The following SHISA6 variants were observed in gnomAD, a reference collection of about 807,000 sequenced individuals.
SHISA6 encodes shisa family member 6.
SHISA6 carries 22 observed loss-of-function variants against 47.9 expected under a neutral mutation model. That is an observed-to-expected ratio of 0.46 (90% confidence interval 0.33 to 0.66). The LOEUF (loss-of-function observed/expected upper bound fraction) is 0.66. SHISA6 is among the 30% of genes least tolerant of loss of function. SHISA6 has a pLI of 0.02. For missense variants in SHISA6, 680 were observed against 764.6 expected (o/e 0.89, Z 1.30); for synonymous variants, 388 against 337.8 (o/e 1.15, Z -1.63).
chr17:11,306,820 C>T (rs1257421452), intron 2 of SHISA6, among the ~76,000 whole-genome samples: 1 of 152,184 alleles, frequency 6.6e-6, no homozygotes, highest in Admixed American at 6.5e-5. Flanking sequence ...GCTCTTAAAT[C>T]TGCTTTATCC....
chr17:11,495,748 A>G (rs2969198), intron 3 of SHISA6, among the ~76,000 whole-genome samples: 62,874 of 151,232 alleles, frequency 0.42, 12,980 homozygotes, highest in East Asian at 0.53. Context: ...TGGGCGTGCT[A>G]GCTCATATAT....
intron 3 of SHISA6, among the ~76,000 whole-genome samples, chr17:11,392,040 A>C (rs1913402725): frequency 6.6e-6 from 1 of 152,198 alleles, no homozygotes; most frequent in South Asian, 2.1e-4. Flanking sequence ...TCATACCTGA[A>C]GGCCCTTCCA....
intron 3 of SHISA6, among the ~76,000 whole-genome samples, chr17:11,427,445 T>C (rs138261744): frequency 6.6e-6 from 1 of 152,226 alleles, no homozygotes; most frequent in African/African-American, 2.4e-5. Context: ...TCCTCTTTCA[T>C]ATCTTTTCCT....
At position 11,269,081 on chromosome 17, in the gene SHISA6, G is replaced by A. The variant is rs150308861; in HGVS notation, c.799+5555G>A. Among the ~76,000 whole-genome samples the A allele has an allele frequency of 4.0e-4, 60 of 150,732 alleles. 2 individuals are homozygous for A. The East Asian group carries it at 9.8e-3, about 25-fold the overall frequency. ...TTTTTTAATGGAGTCTTGCCCTGTC[G>A]CCCAGGCTGGAGTGCAGTGGCGCGA... is the stretch of plus-strand genomic sequence containing the variant. On this transcript the variant is annotated intron_variant, in intron 2 of 5. Coordinates refer to ENST00000441885, the MANE Select transcript of SHISA6 (RefSeq NM_207386.4).
chr17:11,558,022 G>T lies in SHISA6; in HGVS notation c.1374G>T (p.Leu458=), dbSNP rs1451538883. 6.4e-7 allele frequency: 1 copy of T among 1,551,606 alleles called. No individual in the cohort carries two copies. Among genetic ancestry groups the T allele is most frequent in the Non-Finnish European group, 8.7e-7 (1 of 1,146,978 alleles). The change falls in exon 6 of 6, where the codon CTG becomes CTT. Residue 458 remains leucine (L), a synonymous_variant. Transcript: ENST00000441885. ...STERLHSQDP[L]LSPERTAFPE... is the part of the protein sequence containing the mutation. ...AGCGCCTGCACTCCCAGGACCCGCT[G>T]CTGTCCCCGGAGCGGACGGCCTTTC...
At position 11,379,291 on chromosome 17, in the gene SHISA6, C is replaced by T. The variant is rs564877517; in HGVS notation, c.800-123C>T. 1.9e-4 allele frequency: 96 copies of T among 505,966 alleles called. 1 individual carries two copies. The South Asian group carries it at 3.2e-3, about 17-fold the overall frequency. 31.3% of individuals were successfully genotyped at this position (505,966 alleles called of 1,614,324 possible). On this transcript the variant is annotated intron_variant, in intron 2 of 5. Transcript: ENST00000441885. ...TATATATATTCTTGGCTGCCTCCAC[C>T]TTCTGACTTAGCTGCTGGTTTGAAA...
chr17:11,277,272 T>TCACACA (rs1567558301), intron 2 of SHISA6, among the ~76,000 whole-genome samples: 21 of 68,748 alleles, frequency 3.1e-4, no homozygotes, highest in African/African-American at 9.7e-4. Flanking sequence ...TCTCTCTCTC[T>TCACACA]CTCTCTCTCA....
chr17:11,437,724 T>C (rs1336370291), intron 3 of SHISA6, among the ~76,000 whole-genome samples: 2 of 152,220 alleles, frequency 1.3e-5, no homozygotes, highest in Non-Finnish European at 2.9e-5. Flanking sequence ...CATGGTTCTT[T>C]AATGCCATGT....
chr17:11,478,907 C>G (rs961335640), intron 3 of SHISA6, among the ~76,000 whole-genome samples: 1 of 150,484 alleles, frequency 6.6e-6, no homozygotes, highest in Non-Finnish European at 1.5e-5. Flanking sequence ...GATGCGGGCT[C>G]TTTTTTGGTT....
At chr17:11,457,773 A>G (rs1467383433) in intron 3 of SHISA6, among the ~76,000 whole-genome samples, 1 of 141,340 alleles carries the variant, frequency 7.1e-6, no homozygotes, top group African/African-American at 2.7e-5. Flanking sequence ...TGAGATAGAT[A>G]GATGCCTTCC....
intron 2 of SHISA6, among the ~76,000 whole-genome samples, chr17:11,358,573 A>G (rs562924603): frequency 6.6e-6 from 1 of 150,906 alleles, no homozygotes; most frequent in Admixed American, 6.6e-5. Flanking sequence ...GTTAGCCAGG[A>G]TGGTCTCGAT....
intron 3 of SHISA6, among the ~76,000 whole-genome samples, chr17:11,443,394 A>G (rs1367232523): frequency 6.6e-6 from 1 of 152,234 alleles, no homozygotes; most frequent in Non-Finnish European, 1.5e-5. Flanking sequence ...GCAATATATT[A>G]TGATTTGTGC....
At chr17:11,495,707 C>G (rs2071402402) in intron 3 of SHISA6, among the ~76,000 whole-genome samples, 1 of 152,188 alleles carries the variant, frequency 6.6e-6, no homozygotes, top group Admixed American at 6.5e-5. Flanking sequence ...TGAAACAGGC[C>G]GGCCACCCTG....
At chr17:11,300,430 G>A (rs983064157) in intron 2 of SHISA6, among the ~76,000 whole-genome samples, 4 of 152,140 alleles carry the variant, frequency 2.6e-5, no homozygotes, top group African/African-American at 9.7e-5. Flanking sequence ...GAATCCGAGT[G>A]CATCTTAGAA....
chr17:11,479,881 A>T (rs1280939373), intron 3 of SHISA6, among the ~76,000 whole-genome samples: 4 of 151,908 alleles, frequency 2.6e-5, no homozygotes, highest in African/African-American at 4.8e-5. Flanking sequence ...TTTCTTCATT[A>T]TTCTTCCTTT....
chr17:11,351,019 T>C (rs1297695410), intron 2 of SHISA6, among the ~76,000 whole-genome samples: 1 of 152,134 alleles, frequency 6.6e-6, no homozygotes, highest in Admixed American at 6.5e-5. Flanking sequence ...GAAACCATCA[T>C]TCTCAGCAAG....
chr17:11,438,853 G>A (rs535085712), intron 3 of SHISA6, among the ~76,000 whole-genome samples: 95 of 152,272 alleles, frequency 6.2e-4, no homozygotes, highest in African/African-American at 2.2e-3. Flanking sequence ...CAGATGATGC[G>A]GTAGGAGTTA....
intron 3 of SHISA6, among the ~76,000 whole-genome samples, chr17:11,506,075 A>G (rs2071496369): frequency 6.6e-6 from 1 of 152,218 alleles, no homozygotes; most frequent in Non-Finnish European, 1.5e-5. Flanking sequence ...AATAGGAGAT[A>G]GGGAACAATG....
intron 2 of SHISA6, among the ~76,000 whole-genome samples, chr17:11,372,544 G>T (rs1017070405): frequency 6.6e-6 from 1 of 151,466 alleles, no homozygotes; most frequent in Non-Finnish European, 1.5e-5. Context: ...GTGTGTAGTG[G>T]GGTACTACCT....
Sources: allele counts gnomAD v4.1 joint callset (sites outside exome capture counted in the v4.1 genomes callset), GRCh38; gene constraint gnomAD v4.1.1; transcripts MANE v1.5; gene names NCBI Gene and HGNC (gene_info 2026-07-23, HGNC 2026-07-21).